Variants in CIRSR observed in about 807,000 individuals in gnomAD.
The protein encoded by CIRSR is corepressor of RBPJ and splicing regulator.
the CIRSR span, among the ~76,000 whole-genome samples, chr2:174,356,531 A>AAGGAAGGAAGGAAGGAAGGAAGG: frequency 7.5e-6 from 1 of 133,570 alleles, no homozygotes; most frequent in African/African-American, 3.1e-5. Context: ...AAGAAAGAAG[A>AAGGAAGGAAGGAAGGAAGGAAGG]AAGGAAGGAA....
chr2:174,373,866 G>C, the CIRSR span, among the ~76,000 whole-genome samples: 1 of 142,170 alleles, frequency 7.0e-6, no homozygotes, highest in African/African-American at 2.6e-5. Context: ...TTTCTCACAA[G>C]CAAAACACAC....
At chr2:174,389,556 G>C in the CIRSR span, among the ~76,000 whole-genome samples, 114,492 of 152,062 alleles carry the variant, frequency 0.75, 43,226 homozygotes, top group South Asian at 0.85. Context: ...CCTGACAATG[G>C]AATAGAGAAG....
chr2:174,390,760 TAGTG>T, the CIRSR span, among the ~76,000 whole-genome samples: 2 of 152,288 alleles, frequency 1.3e-5, no homozygotes, highest in African/African-American at 4.8e-5. Context: ...GTTTTCGTGA[TAGTG>T]AGTGAGTTCT....
chr2:174,348,581 G>A, the CIRSR span: 1 of 1,614,050 alleles, frequency 6.2e-7, no homozygotes, highest in East Asian at 2.2e-5. Flanking sequence ...CTGTGCCATG[G>A]CTTCTGCTGT....
At chr2:174,379,716 CTTTTTTTTTTT>C in the CIRSR span, among the ~76,000 whole-genome samples, 7 of 83,718 alleles carry the variant, frequency 8.4e-5, no homozygotes, top group African/African-American at 3.2e-4. Flanking sequence ...TGATTCCTGT[CTTTTTTTTTTT>C]TTTTTTTTTT....
At chr2:174,362,073 G>C in the CIRSR span, among the ~76,000 whole-genome samples, 1 of 152,140 alleles carries the variant, frequency 6.6e-6, no homozygotes, top group African/African-American at 2.4e-5. Flanking sequence ...TGAGGCCAGA[G>C]GAACACTTGA....
At chr2:174,351,540 A>G in the CIRSR span, 3 of 1,209,626 alleles carry the variant, frequency 2.5e-6, no homozygotes, top group Admixed American at 5.7e-5. Context: ...TGCATATTGG[A>G]AAACATTAAG....
the CIRSR span, among the ~76,000 whole-genome samples, chr2:174,351,337 TAGC>T: frequency 6.6e-6 from 1 of 152,184 alleles, no homozygotes; most frequent in Non-Finnish European, 1.5e-5. Flanking sequence ...AGGGGTAAGT[TAGC>T]AGGAAGGAAA....
chr2:174,356,455 T>G, the CIRSR span, among the ~76,000 whole-genome samples: 2 of 141,724 alleles, frequency 1.4e-5, no homozygotes, highest in Non-Finnish European at 3.0e-5. Context: ...AGCAACAGAG[T>G]GAGATCCTGT....
At chr2:174,351,893 T>A in the CIRSR span, 1 of 464,546 alleles carries the variant, frequency 2.2e-6, no homozygotes. Context: ...AACAGCAGTC[T>A]GGAGATTCAG....
At chr2:174,388,052 G>C in the CIRSR span, among the ~76,000 whole-genome samples, 1 of 152,214 alleles carries the variant, frequency 6.6e-6, no homozygotes, top group Non-Finnish European at 1.5e-5. Flanking sequence ...ACAAATTTGT[G>C]TTGGGCCACA....
chr2:174,353,453 A>G, the CIRSR span, among the ~76,000 whole-genome samples: 1 of 152,204 alleles, frequency 6.6e-6, no homozygotes, highest in Non-Finnish European at 1.5e-5. Context: ...AGAGGTGCTC[A>G]TACAATTAAG....
At chr2:174,356,008 G>A in the CIRSR span, among the ~76,000 whole-genome samples, 110 of 152,176 alleles carry the variant, frequency 7.2e-4, 1 homozygote, top group East Asian at 0.014. Context: ...TCCTGACCTC[G>A]TGATCCACCC....
chr2:174,349,230 G>C, the CIRSR span: 4 of 903,240 alleles, frequency 4.4e-6, no homozygotes, highest in Admixed American at 6.7e-5. Flanking sequence ...TTCATCAACT[G>C]TAAGTTATGA....
the CIRSR span, among the ~76,000 whole-genome samples, chr2:174,354,480 AT>A: frequency 4.1e-4 from 36 of 87,380 alleles, no homozygotes; most frequent in African/African-American, 1.6e-3. Flanking sequence ...TATATAATAT[AT>A]ATTATATTAT....
At chr2:174,349,228 CT>C in the CIRSR span, 1 of 919,364 alleles carries the variant, frequency 1.1e-6, no homozygotes, top group Non-Finnish European at 1.6e-6. Flanking sequence ...ATTTCATCAA[CT>C]GTAAGTTATG....
chr2:174,361,765 AAGATTGGAT>A, the CIRSR span, among the ~76,000 whole-genome samples: 2 of 152,246 alleles, frequency 1.3e-5, no homozygotes, highest in African/African-American at 4.8e-5. Flanking sequence ...TAGTGTAAAC[AAGATTGGAT>A]AGAAACATTT....
chr2:174,352,844 C>T, the CIRSR span, among the ~76,000 whole-genome samples: 1 of 152,222 alleles, frequency 6.6e-6, no homozygotes, highest in Middle Eastern at 3.4e-3. Flanking sequence ...GGAGTTCATA[C>T]GGGAGGGTAG....
the CIRSR span, among the ~76,000 whole-genome samples, chr2:174,354,789 A>G: frequency 8.2e-6 from 1 of 122,026 alleles, no homozygotes; most frequent in African/African-American, 3.2e-5. Flanking sequence ...TTTGGTAGAG[A>G]CAGGGTTTTG....
Sources: gnomAD v4.1 joint callset for allele counts (sites outside exome capture counted in the v4.1 genomes callset) on GRCh38, gnomAD v4.1.1 for gene constraint, MANE v1.5 for transcripts, NCBI Gene and HGNC (gene_info 2026-07-23, HGNC 2026-07-21) for gene names.